SLC6A15: variants seen among roughly 807,000 people sequenced by gnomAD.
The protein encoded by SLC6A15 is solute carrier family 6 member 15.
A neutral mutation model predicts 68.5 loss-of-function variants in SLC6A15; 33 were observed. The ratio of observed to expected loss-of-function variants is 0.48; its 90% confidence interval spans 0.37 to 0.64. The LOEUF is 0.64. Ranked by LOEUF, SLC6A15 falls within the 30% of genes least tolerant of loss-of-function variation. The pLI, the probability that SLC6A15 is intolerant of heterozygous loss-of-function variation, is 0.00. For synonymous variants in SLC6A15, 347 were observed against 301.0 expected (o/e 1.15, Z -1.58); for missense variants, 747 against 874.3 (o/e 0.85, Z 1.84).
At chr12:84,875,224 T>C (rs184215769) in intron 6 of SLC6A15, among the ~76,000 whole-genome samples, 16 of 151,962 alleles carry the variant, frequency 1.1e-4, no homozygotes, top group African/African-American at 3.9e-4. Context: ...ATAAGTATTT[T>C]TGGTCATTAA....
intron 4 of SLC6A15, 90 bp from the exon 5 acceptor site, chr12:84,884,130 A>G: frequency 9.6e-7 from 1 of 1,042,664 alleles, no homozygotes; most frequent in Non-Finnish European, 1.4e-6. Context: ...GTGAATTCTT[A>G]ATGCTTCCTA....
chr12:84,911,122 G>A (rs1023112559), intron 1 of SLC6A15, among the ~76,000 whole-genome samples: 3 of 152,156 alleles, frequency 2.0e-5, no homozygotes, highest in Non-Finnish European at 2.9e-5. Context: ...GGGTGGGTGA[G>A]GGGCTTGTTG....
chr12:84,888,988 G>T (rs1872251529), intron 2 of SLC6A15, among the ~76,000 whole-genome samples: 1 of 152,080 alleles, frequency 6.6e-6, no homozygotes, highest in Non-Finnish European at 1.5e-5. Flanking sequence ...AACCTAGAAA[G>T]GTCATCTTCT....
chr12:84,888,628 G>A (rs1400204738), intron 2 of SLC6A15, among the ~76,000 whole-genome samples: 1 of 152,040 alleles, frequency 6.6e-6, no homozygotes, highest in East Asian at 1.9e-4. Context: ...AATTGGGATG[G>A]GGGATACGGT....
chr12:84,893,962 T>G (rs957833791), intron 1 of SLC6A15, among the ~76,000 whole-genome samples: 1 of 152,110 alleles, frequency 6.6e-6, no homozygotes, highest in African/African-American at 2.4e-5. Flanking sequence ...CTTCCCACAG[T>G]GATTATTTTA....
intron 5 of SLC6A15, among the ~76,000 whole-genome samples, chr12:84,877,664 A>G (rs1179919758): frequency 6.6e-6 from 1 of 152,064 alleles, no homozygotes. Context: ...TTTTAGTCTC[A>G]TCTTCATCTT....
At chr12:84,890,774 T>C (rs1872352169) in intron 2 of SLC6A15, among the ~76,000 whole-genome samples, 1 of 152,196 alleles carries the variant, frequency 6.6e-6, no homozygotes, top group African/African-American at 2.4e-5. Context: ...TTATTTGATG[T>C]AGGGTTTGTA....
chr12:84,904,757 C>T (rs891321223), intron 1 of SLC6A15, among the ~76,000 whole-genome samples: 1 of 152,100 alleles, frequency 6.6e-6, no homozygotes, highest in Non-Finnish European at 1.5e-5. Flanking sequence ...ATTATCATTG[C>T]AAAATCTGCA....
intron 1 of SLC6A15, among the ~76,000 whole-genome samples, chr12:84,904,079 C>T (rs1873013238): frequency 2.0e-5 from 3 of 152,022 alleles, no homozygotes; most frequent in South Asian, 2.1e-4. Context: ...TGAAACTATG[C>T]AAGTTCCAAG....
Position 84,861,523 on chromosome 12 carries a change from G to T in SLC6A15, c.*109C>A. ...TGTTAGGATTAAAGATCACAGCCAC[G>T]GAACACCTGAGATTGCCCTCTGATA... On this transcript the variant is annotated 3_prime_UTR_variant, in exon 12 of 12. Coordinates refer to ENST00000266682, the MANE Select transcript of SLC6A15 (RefSeq NM_182767.6). The T allele has an allele frequency of 8.0e-7, 1 of 1,255,412 alleles. No individual in the cohort carries two copies. Among genetic ancestry groups the T allele is most frequent in the African/African-American group, 1.5e-5 (1 of 66,478 alleles). 77.8% of individuals were successfully genotyped at this position (1,255,412 alleles called of 1,614,324 possible).
intron 2 of SLC6A15, among the ~76,000 whole-genome samples, chr12:84,887,198 T>A (rs1470705556): frequency 1.3e-5 from 2 of 152,236 alleles, no homozygotes; most frequent in Non-Finnish European, 2.9e-5. Flanking sequence ...GGTCTTACAA[T>A]CAATGGTAAC....
At chr12:84,910,579 G>A (rs915803507) in intron 1 of SLC6A15, among the ~76,000 whole-genome samples, 3 of 152,300 alleles carry the variant, frequency 2.0e-5, no homozygotes, top group African/African-American at 7.2e-5. Context: ...ACATTTCACA[G>A]GGGTTCGAGC....
At chr12:84,875,203 A>G (rs192975115) in intron 6 of SLC6A15, among the ~76,000 whole-genome samples, 57 of 152,298 alleles carry the variant, frequency 3.7e-4, no homozygotes, top group Admixed American at 2.4e-3. Context: ...ATTTTCTTCA[A>G]TATTATACAT....
chr12:84,909,093 T>C (rs1374888528), intron 1 of SLC6A15, among the ~76,000 whole-genome samples: 1 of 152,150 alleles, frequency 6.6e-6, no homozygotes, highest in Non-Finnish European at 1.5e-5. Context: ...TGATAAATAT[T>C]ACCAAATAGC....
At position 84,861,861 on chromosome 12, in the gene SLC6A15, A is replaced by G. The variant is rs765137171; in HGVS notation, c.1964T>C (p.Val655Ala). ...IDDSSGNLAS[V>A]TYKRGRVLKE... ...CAGGACCCTTCCTCTCTTATAGGTC[A>G]CAGATGCTAAATTACCAGAACTATC... is the stretch of plus-strand genomic sequence containing the variant. The change falls in exon 12 of 12, where the codon GTG (valine) becomes GCG (alanine). Residue 655 changes from valine (V) to alanine (A), a missense_variant. By Grantham distance (64) the Val-to-Ala change is moderately conservative. Coordinates refer to ENST00000266682, the MANE Select transcript of SLC6A15 (RefSeq NM_182767.6). 6.2e-7 allele frequency: 1 copy of G among 1,613,958 alleles called. No homozygotes were observed. The highest frequency in any genetic ancestry group is 1.1e-5 in the South Asian group (1 of 91,072).
intron 8 of SLC6A15, among the ~76,000 whole-genome samples, chr12:84,871,414 C>T (rs1169252659): frequency 6.6e-6 from 1 of 151,306 alleles, no homozygotes; most frequent in East Asian, 1.9e-4. Context: ...AAGACAGATA[C>T]TCCAATTGGG....
chr12:84,889,151 C>T (rs1872262515), intron 2 of SLC6A15, among the ~76,000 whole-genome samples: 2 of 152,250 alleles, frequency 1.3e-5, no homozygotes, highest in East Asian at 1.9e-4. Flanking sequence ...ACCCTTTTGT[C>T]CAATCACATT....
intron 5 of SLC6A15, 87 bp downstream of exon 5, chr12:84,883,772 C>T (rs144274445): frequency 6.2e-7 from 1 of 1,613,478 alleles, no homozygotes; most frequent in Non-Finnish European, 8.5e-7. Context: ...GTGTGATTTG[C>T]CCACAGAAAT....
Position 84,880,831 on chromosome 12 carries a change from G to A in SLC6A15, c.756+3028C>T, listed in dbSNP as rs578173951. ...ATTTTACTAAAGTGTTTAAAAAATC[G>A]AAAACAAAAACCATTGTTTTACATA... is the stretch of plus-strand genomic sequence containing the variant. On this transcript the variant is annotated intron_variant, in intron 5 of 11. Coordinates refer to ENST00000266682, the MANE Select transcript of SLC6A15 (RefSeq NM_182767.6). 108 of 844,750 alleles carry A rather than the reference G, an allele frequency of 1.3e-4. 2 individuals are homozygous for A. The South Asian group carries it at 4.7e-3, about 37-fold the overall frequency. The allele number at this position is 844,750 out of a possible 1,614,324, so 52.3% of individuals were successfully genotyped here.
Sources: gnomAD v4.1 joint callset for allele counts (sites outside exome capture counted in the v4.1 genomes callset) on GRCh38, gnomAD v4.1.1 for gene constraint, MANE v1.5 for transcripts, NCBI Gene and HGNC (gene_info 2026-07-23, HGNC 2026-07-21) for gene names.